Variants in TBCK observed in about 807,000 individuals in gnomAD.
TBCK encodes TBC1 domain containing kinase.
Under a neutral mutation model 113.4 loss-of-function variants are expected in TBCK, and 99 were observed. That is an observed-to-expected ratio of 0.87 (90% confidence interval 0.74 to 1.03). The LOEUF (loss-of-function observed/expected upper bound fraction) is 1.03, where lower values mean the gene tolerates loss of function less well. Among genes scored for constraint, TBCK ranks in the 50% least tolerant of loss-of-function variants. TBCK has a pLI of 0.00. For synonymous variants in TBCK, 369 were observed against 370.8 expected (o/e 1.00, Z 0.05); for missense variants, 1,045 against 1,061.3 (o/e 0.98, Z 0.21).
chr4:106,166,318 A>T (rs1750365895), intron 23 of TBCK, among the ~76,000 whole-genome samples: 1 of 151,842 alleles, frequency 6.6e-6, no homozygotes, highest in African/African-American at 2.4e-5. Context: ...GAAAATAAAC[A>T]TGTTAACTAA....
At chr4:106,295,299 A>G (rs1766180489) in intron 2 of TBCK, 133 bp from the exon 3 acceptor site, 1 of 554,862 alleles carries the variant, frequency 1.8e-6, no homozygotes, top group Non-Finnish European at 3.1e-6. Context: ...CAAACTCTAT[A>G]TTAACTACAT....
At chr4:106,269,425 T>G (rs955267440) in intron 3 of TBCK, among the ~76,000 whole-genome samples, 1 of 152,068 alleles carries the variant, frequency 6.6e-6, no homozygotes, top group African/African-American at 2.4e-5. Flanking sequence ...CTTACTAAAT[T>G]TTGATGTTTT....
intron 23 of TBCK, among the ~76,000 whole-genome samples, chr4:106,156,834 A>G (rs1288998408): frequency 6.6e-6 from 1 of 152,152 alleles, no homozygotes; most frequent in African/African-American, 2.4e-5. Context: ...GGGGGCCACA[A>G]GAGCCTGCTT....
At position 106,244,820 on chromosome 4, in the gene TBCK, G is replaced by A. The variant is rs181144136; in HGVS notation, c.932-56C>T. On this transcript the variant is annotated intron_variant, in intron 10 of 25. Coordinates refer to ENST00000394708, the MANE Select transcript of TBCK (RefSeq NM_001163435.3). Reference sequence around the variant, plus strand: ...ATTATATTTTCTACTTTTATTAAACGTCAACAGGCAGTAATAGCTGCCATT... The same window carrying A: ...ATTATATTTTCTACTTTTATTAAACATCAACAGGCAGTAATAGCTGCCATT... The A allele has an allele frequency of 1.8e-4, 204 of 1,106,388 alleles. No homozygotes were observed. In the African/African-American group the frequency reaches 2.5e-3, roughly 14 times the overall value. 68.5% of individuals were successfully genotyped at this position (1,106,388 alleles called of 1,614,324 possible).
chr4:106,110,784 C>T (rs1742756260), intron 24 of TBCK, among the ~76,000 whole-genome samples: 1 of 152,122 alleles, frequency 6.6e-6, no homozygotes. Context: ...ACCTACCTTA[C>T]TGCCTCCATC....
chr4:106,229,451 TC>T (rs1758610803), intron 19 of TBCK, among the ~76,000 whole-genome samples: 1 of 152,072 alleles, frequency 6.6e-6, no homozygotes, highest in Non-Finnish European at 1.5e-5. Context: ...CTAGTTTCAT[TC>T]TTCTGCATAT....
chr4:106,225,377 TGA>T (rs1025106763), intron 19 of TBCK, among the ~76,000 whole-genome samples: 5 of 152,254 alleles, frequency 3.3e-5, no homozygotes, highest in African/African-American at 1.2e-4. Context: ...CAATAATTGT[TGA>T]GAGGTCTTTT....
At chr4:106,131,449 C>T (rs953262463) in intron 23 of TBCK, among the ~76,000 whole-genome samples, 1 of 152,104 alleles carries the variant, frequency 6.6e-6, no homozygotes, top group Non-Finnish European at 1.5e-5. Context: ...CCCGTCTCTA[C>T]TAAAAAGACA....
At chr4:106,100,709 AT>A (rs1741455860) in intron 24 of TBCK, among the ~76,000 whole-genome samples, 2 of 152,126 alleles carry the variant, frequency 1.3e-5, no homozygotes, top group Admixed American at 6.6e-5. Context: ...CCTGTTTAGA[AT>A]TTTTTAAGTT....
In TBCK at chr4:106,138,118, CA is replaced by C. The variant is rs1463108773; in HGVS notation, c.2236-21741del. On this transcript the variant is annotated intron_variant, in intron 23 of 25. Coordinates refer to ENST00000394708, the MANE Select transcript of TBCK (RefSeq NM_001163435.3). ...TCATGTATTTTTTAATATGGAAAAC[CA>C]AATGTCGCAGAACCATTACTGAATA... 5.7e-5 allele frequency among the ~76,000 whole-genome samples: 8 copies of C among 140,648 alleles called. 1 individual carries two copies. Among genetic ancestry groups the C allele is most frequent in the Admixed American group, 7.0e-5 (1 of 14,314 alleles). The allele number at this position is 140,648 out of a possible 152,430, so 92.3% of individuals were successfully genotyped here.
chr4:106,218,564 T>G (rs1757271693), intron 19 of TBCK, among the ~76,000 whole-genome samples: 1 of 70,806 alleles, frequency 1.4e-5, no homozygotes, highest in African/African-American at 5.5e-5. Flanking sequence ...GCAAAGGACA[T>G]GAACAGACAC....
At chr4:106,267,009 T>TA (rs1338076959) in intron 3 of TBCK, among the ~76,000 whole-genome samples, 1 of 151,852 alleles carries the variant, frequency 6.6e-6, no homozygotes, top group Non-Finnish European at 1.5e-5. Context: ...CACAGTTATA[T>TA]AAAAAAGATA....
intron 20 of TBCK, among the ~76,000 whole-genome samples, chr4:106,202,344 G>A (rs1333878801): frequency 4.0e-5 from 6 of 151,744 alleles, no homozygotes; most frequent in Non-Finnish European, 7.4e-5. Flanking sequence ...GAAGAATGAT[G>A]GAATCATCTA....
At chr4:106,190,900 C>T (rs1422883229) in intron 22 of TBCK, among the ~76,000 whole-genome samples, 1 of 152,124 alleles carries the variant, frequency 6.6e-6, no homozygotes, top group African/African-American at 2.4e-5. Context: ...GCCACCACGC[C>T]CGTCTAATTT....
At chr4:106,148,995 C>T (rs1371501737) in intron 23 of TBCK, among the ~76,000 whole-genome samples, 1 of 152,236 alleles carries the variant, frequency 6.6e-6, no homozygotes, top group Non-Finnish European at 1.5e-5. Context: ...TCCACCAGTA[C>T]TTGCTGCTTC....
At chr4:106,233,558 T>C in intron 16 of TBCK, 30 bp downstream of exon 16, 1 of 1,579,778 alleles carries the variant, frequency 6.3e-7, no homozygotes, top group Non-Finnish European at 8.7e-7. Context: ...CAGAATTATC[T>C]TAGGTTGCTT....
Position 106,193,609 on chromosome 4 carries a change from C to T in TBCK, c.2059G>A (p.Glu687Lys). The change falls in exon 22 of 26, where the codon GAA becomes AAA. Residue 687 changes from glutamate to lysine, a missense_variant and splice_region_variant. Coordinates refer to ENST00000394708, the MANE Select transcript of TBCK (RefSeq NM_001163435.3). ...ECILLFSDLPEIDIERCVRES... is the reference protein window; with the variant it reads ...ECILLFSDLPKIDIERCVRES... ...TGGCTCCATTTATTTAGATCTATAC[C>T]TGGTAAATCGGAGAAGAGAAGAATA... is the stretch of plus-strand genomic sequence containing the variant. 1.2e-6 allele frequency: 2 copies of T among 1,612,842 alleles called. No individual in the cohort carries two copies. The highest frequency in any genetic ancestry group is 1.7e-6 in the Non-Finnish European group (2 of 1,179,278).
chr4:106,190,269 C>T (rs1753514101), intron 22 of TBCK, among the ~76,000 whole-genome samples: 1 of 152,108 alleles, frequency 6.6e-6, no homozygotes, highest in Admixed American at 6.5e-5. Flanking sequence ...AATTGTTTCC[C>T]ATTTATATAC....
chr4:106,178,039 T>C (rs1020289010), intron 22 of TBCK, among the ~76,000 whole-genome samples: 4 of 151,148 alleles, frequency 2.6e-5, no homozygotes, highest in African/African-American at 9.7e-5. Context: ...GATCTCTCAC[T>C]TCTTTTGTTA....
Sources: gnomAD v4.1 joint callset for allele counts (sites outside exome capture counted in the v4.1 genomes callset) on GRCh38, gnomAD v4.1.1 for gene constraint, MANE v1.5 for transcripts, NCBI Gene and HGNC (gene_info 2026-07-23, HGNC 2026-07-21) for gene names.